BMPR1B: variants seen among roughly 807,000 people sequenced by gnomAD.
BMPR1B encodes the protein bone morphogenetic protein receptor type 1B.
BMPR1B carries 12 observed loss-of-function variants against 59.1 expected under a neutral mutation model. The ratio of observed to expected loss-of-function variants is 0.20; its 90% CI spans 0.13 to 0.33. The LOEUF (loss-of-function observed/expected upper bound fraction) is 0.33. Among genes scored for constraint, BMPR1B ranks in the 10% least tolerant of loss-of-function variants. The pLI, the probability that BMPR1B is intolerant of heterozygous loss-of-function variation, is 1.00. For missense variants in BMPR1B, 550 were observed against 610.9 expected (o/e 0.90, Z 1.05); for synonymous variants, 237 against 207.3 (o/e 1.14, Z -1.23).
At chr4:95,124,187 CTTAGG>C (rs908711946) in intron 7 of BMPR1B, among the ~76,000 whole-genome samples, 1 of 151,896 alleles carries the variant, frequency 6.6e-6, no homozygotes, top group Non-Finnish European at 1.5e-5. Flanking sequence ...CTGGTTGTTA[CTTAGG>C]TTTGATTCCA....
At chr4:94,973,667 A>C (rs1730899631) in intron 2 of BMPR1B, among the ~76,000 whole-genome samples, 1 of 152,062 alleles carries the variant, frequency 6.6e-6, no homozygotes, top group Non-Finnish European at 1.5e-5. Context: ...AGAAGTTCTC[A>C]CTTTGGGCCT....
At chr4:94,885,152 G>A (rs1727121783) in intron 2 of BMPR1B, among the ~76,000 whole-genome samples, 1 of 152,164 alleles carries the variant, frequency 6.6e-6, no homozygotes. Flanking sequence ...ATGCTTGAGG[G>A]AACCCAGCTG....
chr4:94,885,838 C>G (rs1435127262), intron 2 of BMPR1B, among the ~76,000 whole-genome samples: 2 of 152,026 alleles, frequency 1.3e-5, no homozygotes, highest in Non-Finnish European at 2.9e-5. Context: ...CAGAAAAATA[C>G]TGGATCTGAC....
At position 94,951,685 on chromosome 4, in the gene BMPR1B, T is replaced by C. The variant is rs191716141; in HGVS notation, c.-112-44355T>C. ...CAGTATCTTATTGAGGATTTTTGCATCAATATTCATCAGCGATATTGGCCT... is the reference window on the plus strand; with the variant it reads ...CAGTATCTTATTGAGGATTTTTGCACCAATATTCATCAGCGATATTGGCCT... On this transcript the variant is annotated intron_variant, in intron 2 of 12. Coordinates refer to ENST00000515059, the MANE Select transcript of BMPR1B (RefSeq NM_001203.3). 2.7e-4 allele frequency among the ~76,000 whole-genome samples: 41 copies of C among 152,354 alleles called. No individual in the cohort carries two copies. In the East Asian group the frequency reaches 7.5e-3, roughly 28 times the overall value.
chr4:95,054,312 A>C (rs895027587), intron 3 of BMPR1B, among the ~76,000 whole-genome samples: 1 of 152,184 alleles, frequency 6.6e-6, no homozygotes. Flanking sequence ...ATGGTGACTC[A>C]TCAACCTAAA....
chr4:94,774,045 C>T (rs1273663541), intron 1 of BMPR1B, among the ~76,000 whole-genome samples: 1 of 151,992 alleles, frequency 6.6e-6, no homozygotes. Flanking sequence ...CCTTTTAAGA[C>T]ACTATATTTT....
chr4:94,971,345 A>G (rs369319866), intron 2 of BMPR1B, among the ~76,000 whole-genome samples: 1 of 152,164 alleles, frequency 6.6e-6, no homozygotes, highest in Non-Finnish European at 1.5e-5. Context: ...ACTGCTAAAA[A>G]TAAAACCTAC....
intron 1 of BMPR1B, among the ~76,000 whole-genome samples, chr4:94,786,679 C>T (rs1407809007): frequency 3.3e-5 from 5 of 151,978 alleles, no homozygotes; most frequent in Non-Finnish European, 7.4e-5. Context: ...GCTGGGACTA[C>T]AGGCACCCAC....
At chr4:95,021,395 A>G (rs956511905) in intron 3 of BMPR1B, among the ~76,000 whole-genome samples, 2 of 152,196 alleles carry the variant, frequency 1.3e-5, no homozygotes, top group Non-Finnish European at 2.9e-5. Context: ...AAGGTTTTTA[A>G]CCTAGCATAT....
In BMPR1B at chr4:94,993,062, T is replaced by A. The variant is rs28635985; in HGVS notation, c.-112-2978T>A. On this transcript the variant is annotated intron_variant, in intron 2 of 12. Transcript: ENST00000515059. ...AATTTAAGTTTTTTATTTAATTTTT[T>A]AAATTTTTTGTAGAGACAAGGTCTT... is the stretch of plus-strand genomic sequence containing the variant. 7.6e-3 allele frequency among the ~76,000 whole-genome samples: 1,153 copies of A among 152,256 alleles called. 17 individuals carry two copies. The highest frequency in any genetic ancestry group is 0.026 in the African/African-American group (1,088 of 41,544).
At chr4:94,993,913 C>G (rs575519628) in intron 2 of BMPR1B, among the ~76,000 whole-genome samples, 1 of 152,070 alleles carries the variant, frequency 6.6e-6, no homozygotes, top group South Asian at 2.1e-4. Flanking sequence ...ATAAGTATCT[C>G]TGTGTGTTAC....
At chr4:95,041,948 G>A (rs1169787280) in intron 3 of BMPR1B, among the ~76,000 whole-genome samples, 1 of 151,804 alleles carries the variant, frequency 6.6e-6, no homozygotes, top group South Asian at 2.1e-4. Flanking sequence ...TCCACCTCCC[G>A]GAGCTTCATG....
chr4:95,011,409 AG>A (rs1244408716), intron 3 of BMPR1B, among the ~76,000 whole-genome samples: 1 of 152,196 alleles, frequency 6.6e-6, no homozygotes. Flanking sequence ...CACAGAGCTC[AG>A]GGACCTAGTA....
At chr4:94,774,171 A>G (rs1435627290) in intron 1 of BMPR1B, among the ~76,000 whole-genome samples, 2 of 152,060 alleles carry the variant, frequency 1.3e-5, no homozygotes, top group African/African-American at 2.4e-5. Flanking sequence ...CCCCTATGAC[A>G]CGTCAGTATT....
chr4:95,012,592 T>G (rs138418525), intron 3 of BMPR1B, among the ~76,000 whole-genome samples: 39 of 152,304 alleles, frequency 2.6e-4, no homozygotes, highest in African/African-American at 9.1e-4. Flanking sequence ...TGCTTCTTAT[T>G]AATACTGATT....
chr4:94,801,201 C>T (rs1486519249), intron 1 of BMPR1B, among the ~76,000 whole-genome samples: 2 of 152,138 alleles, frequency 1.3e-5, no homozygotes, highest in Admixed American at 6.6e-5. Context: ...GAATTCTCCC[C>T]GACTCCCACT....
intron 3 of BMPR1B, among the ~76,000 whole-genome samples, chr4:95,011,861 AT>A (rs1173458291): frequency 6.6e-6 from 1 of 152,086 alleles, no homozygotes; most frequent in African/African-American, 2.4e-5. Flanking sequence ...TCTACTAAAA[AT>A]ACAAAAATTA....
chr4:94,942,293 C>T (rs765556099), intron 2 of BMPR1B, among the ~76,000 whole-genome samples: 1 of 152,126 alleles, frequency 6.6e-6, no homozygotes, highest in Admixed American at 6.6e-5. Context: ...AGGAAAATAC[C>T]TCTTATGCTT....
chr4:95,005,292 A>G (rs547730960), intron 3 of BMPR1B, among the ~76,000 whole-genome samples: 3 of 152,322 alleles, frequency 2.0e-5, no homozygotes, highest in South Asian at 2.1e-4. Context: ...TTTGTGACAC[A>G]TAAGTTTCTG....
Sources: gnomAD v4.1 joint callset for allele counts (sites outside exome capture counted in the v4.1 genomes callset) on GRCh38, gnomAD v4.1.1 for gene constraint, MANE v1.5 for transcripts, NCBI Gene and HGNC (gene_info 2026-07-23, HGNC 2026-07-21) for gene names.